BAZ1B: variants seen among roughly 807,000 people sequenced by gnomAD.
BAZ1B encodes the protein tyrosine-protein kinase BAZ1B.
BAZ1B carries 22 observed loss-of-function variants against 153.8 expected under a neutral mutation model. The observed-to-expected ratio is 0.14, with a 90% CI of 0.10 to 0.20. The LOEUF is 0.20. Ranked by LOEUF, BAZ1B falls within the 10% of genes least tolerant of loss-of-function variation. BAZ1B has a pLI of 1.00. For missense variants in BAZ1B, 1,325 were observed against 1,799.3 expected (o/e 0.74, Z 4.77); for synonymous variants, 676 against 633.4 (o/e 1.07, Z -1.01).
intron 6 of BAZ1B, among the ~76,000 whole-genome samples, chr7:73,483,483 T>C (rs2116358770): frequency 6.6e-6 from 1 of 152,338 alleles, no homozygotes; most frequent in Non-Finnish European, 1.5e-5. Flanking sequence ...ATGCCTTTAT[T>C]AGCAAGTTTG....
intron 1 of BAZ1B, among the ~76,000 whole-genome samples, chr7:73,515,975 T>A (rs1465371306): frequency 6.6e-6 from 1 of 151,944 alleles, no homozygotes; most frequent in East Asian, 1.9e-4. Context: ...TGAAACCCCG[T>A]CTCTACTTAA....
At chr7:73,498,152 G>A (rs1789991108) in intron 4 of BAZ1B, among the ~76,000 whole-genome samples, 1 of 151,962 alleles carries the variant, frequency 6.6e-6, no homozygotes, top group Non-Finnish European at 1.5e-5. Flanking sequence ...TAGAGACAGG[G>A]TTTCACCATG....
chr7:73,482,166 C>T (rs781991897), intron 6 of BAZ1B, among the ~76,000 whole-genome samples: 9 of 152,192 alleles, frequency 5.9e-5, no homozygotes, highest in African/African-American at 1.2e-4. Flanking sequence ...TCCATGACTC[C>T]GGGATTACTT....
In BAZ1B at chr7:73,469,654, C is replaced by A. The variant is rs79799481; in HGVS notation, c.2733-4G>T. 6.2e-7 allele frequency: 1 copy of A among 1,613,742 alleles called. No individual in the cohort carries two copies. The highest frequency in any genetic ancestry group is 1.3e-5 in the African/African-American group (1 of 74,914). On this transcript the variant is annotated splice_polypyrimidine_tract_variant and splice_region_variant and intron_variant, in intron 8 of 19. Coordinates refer to ENST00000339594, the MANE Select transcript of BAZ1B (RefSeq NM_032408.4). ...TTCATCTGAGAAGAGCCAGTATCTACAAATCACAACCAGTATTAATAAGAC... is the reference window on the plus strand; with the variant it reads ...TTCATCTGAGAAGAGCCAGTATCTAAAAATCACAACCAGTATTAATAAGAC...
chr7:73,478,692 CATAG>C lies in BAZ1B; in HGVS notation c.892-127_892-124del, dbSNP rs768518683. 6.5e-4 allele frequency: 507 copies of C among 779,918 alleles called. 2 individuals are homozygous for C. Among genetic ancestry groups the C allele is most frequent in the Non-Finnish European group, 8.4e-4 (456 of 543,352 alleles). 48.3% of individuals were successfully genotyped at this position (779,918 alleles called of 1,614,324 possible). A position where few individuals can be genotyped will look rare whatever the true frequency, so the allele number is the denominator to read the frequency against. On this transcript the variant is annotated intron_variant, in intron 6 of 19. Transcript: ENST00000339594. ...GTAAAGCTACATATTCATATCTCTT[CATAG>C]ATACTTTGTCCCTGAAAAAACAAAG...
In BAZ1B at chr7:73,447,292, TTCCTCCTCCTCCTCTTCTTCC is replaced by T; in HGVS notation, c.3795_3815del (p.Glu1267_Glu1273del). ...GCAAACCAGCCACCTCATAATCTTCTTCCTCCTCCTCCTCTTCTTCCTCCTCCTCCTCTTCATCACTCTCAT... is the reference window on the plus strand; with the variant it reads ...GCAAACCAGCCACCTCATAATCTTCTTCCTCCTCCTCTTCATCACTCTCAT... On this transcript the variant is annotated inframe_deletion, in exon 16 of 20. Transcript: ENST00000339594. The T allele has an allele frequency of 6.2e-7, 1 of 1,609,042 alleles. No homozygotes were observed. Among genetic ancestry groups the T allele is most frequent in the Non-Finnish European group, 8.5e-7 (1 of 1,175,310 alleles).
chr7:73,491,959 A>AGTTTGATTG, intron 5 of BAZ1B, among the ~76,000 whole-genome samples: 1 of 150,562 alleles, frequency 6.6e-6, no homozygotes, highest in African/African-American at 2.4e-5. Context: ...CATATTTCTT[A>AGTTTGATTG]GAATCTTAGT....
Position 73,510,652 on chromosome 7 carries a change from T to C in BAZ1B, c.224+84A>G. ...CTAATTTGTGCCCCATAAACTTAAATACACATACTGCTTTAGGGTTAATAT... is the reference window on the plus strand; with the variant it reads ...CTAATTTGTGCCCCATAAACTTAAACACACATACTGCTTTAGGGTTAATAT... On this transcript the variant is annotated intron_variant, in intron 2 of 19. Coordinates refer to ENST00000339594, the MANE Select transcript of BAZ1B (RefSeq NM_032408.4). The C allele has an allele frequency of 3.0e-6, 4 of 1,321,312 alleles. No homozygotes were observed. The Middle Eastern group carries it at 5.5e-4, about 182-fold the overall frequency. 81.8% of individuals were successfully genotyped at this position (1,321,312 alleles called of 1,614,324 possible). A position where few individuals can be genotyped will look rare whatever the true frequency, so the allele number is the denominator to read the frequency against.
At chr7:73,514,798 T>C (rs1409094627) in intron 1 of BAZ1B, among the ~76,000 whole-genome samples, 3 of 151,698 alleles carry the variant, frequency 2.0e-5, no homozygotes, top group Non-Finnish European at 4.4e-5. Flanking sequence ...AAAAGAAGAT[T>C]AGCCCGGGCA....
intron 17 of BAZ1B, among the ~76,000 whole-genome samples, chr7:73,443,336 G>T (rs1479254236): frequency 2.6e-5 from 4 of 152,030 alleles, no homozygotes; most frequent in Non-Finnish European, 5.9e-5. Context: ...TGAGGGTTAA[G>T]TGGCTAAAGA....
chr7:73,443,845 G>A (rs939241175), intron 17 of BAZ1B, 139 bp downstream of exon 17: 2 of 1,277,214 alleles, frequency 1.6e-6, no homozygotes, highest in Non-Finnish European at 2.2e-6. Flanking sequence ...TCACCCATCT[G>A]CCTCCCCAGC....
intron 3 of BAZ1B, among the ~76,000 whole-genome samples, chr7:73,501,729 C>G (rs1278077956): frequency 6.6e-6 from 1 of 152,136 alleles, no homozygotes; most frequent in Non-Finnish European, 1.5e-5. Context: ...CCCCTTCTCC[C>G]ATGGATATAT....
At chr7:73,495,769 T>A (rs1263204200) in intron 4 of BAZ1B, among the ~76,000 whole-genome samples, 2 of 152,156 alleles carry the variant, frequency 1.3e-5, no homozygotes, top group Non-Finnish European at 2.9e-5. Flanking sequence ...CCTTGCAAAC[T>A]AACACAGGAA....
At chr7:73,458,885 CT>C (rs1388180277) in intron 13 of BAZ1B, among the ~76,000 whole-genome samples, 2 of 151,958 alleles carry the variant, frequency 1.3e-5, no homozygotes, top group Non-Finnish European at 2.9e-5. Context: ...GAGCAAAACC[CT>C]GTATCTAAAA....
chr7:73,518,593 C>A (rs907925415), intron 1 of BAZ1B, among the ~76,000 whole-genome samples: 20 of 152,116 alleles, frequency 1.3e-4, no homozygotes, highest in African/African-American at 4.1e-4. Context: ...GTAGTCCCAG[C>A]TACTCTGGAG....
chr7:73,514,375 T>C (rs1790706562), intron 1 of BAZ1B, among the ~76,000 whole-genome samples: 1 of 151,616 alleles, frequency 6.6e-6, no homozygotes, highest in Admixed American at 6.6e-5. Context: ...CTACTAAAAA[T>C]ACAAAAAATT....
intron 13 of BAZ1B, among the ~76,000 whole-genome samples, chr7:73,454,141 A>G (rs990333706): frequency 6.7e-6 from 1 of 149,376 alleles, no homozygotes; most frequent in Non-Finnish European, 1.5e-5. Context: ...TCTATAAATA[A>G]ATAAATAAAT....
At chr7:73,443,870 A>G in intron 17 of BAZ1B, 114 bp downstream of exon 17, 2 of 1,508,378 alleles carry the variant, frequency 1.3e-6, no homozygotes, top group Non-Finnish European at 9.0e-7. Flanking sequence ...CAAGTTTGGT[A>G]AGAAGGAGGA....
intron 13 of BAZ1B, among the ~76,000 whole-genome samples, chr7:73,454,841 C>T (rs1424500938): frequency 1.3e-5 from 2 of 152,140 alleles, no homozygotes; most frequent in Non-Finnish European, 2.9e-5. Flanking sequence ...AAATTGAGTT[C>T]CCCGAAGGCA....
Sources: allele counts gnomAD v4.1 joint callset (sites outside exome capture counted in the v4.1 genomes callset), GRCh38; gene constraint gnomAD v4.1.1; transcripts MANE v1.5; gene names NCBI Gene and HGNC (gene_info 2026-07-23, HGNC 2026-07-21).